Variants in LIN54 observed in about 807,000 individuals in gnomAD.
LIN54 encodes the protein lin-54 DREAM MuvB core complex component.
LIN54 carries 9 observed loss-of-function variants against 78.7 expected under a neutral mutation model. The observed-to-expected ratio is 0.11, with a 90% CI of 0.07 to 0.20. The LOEUF (loss-of-function observed/expected upper bound fraction) is 0.20, where lower values mean the gene tolerates loss of function less well. LIN54 is among the 10% of genes least tolerant of loss of function. The probability of loss-of-function intolerance (pLI) is 1.00; values close to 1 mark genes in which losing one functional copy is unlikely to be tolerated. For synonymous variants in LIN54, 269 were observed against 318.4 expected, an observed-to-expected ratio of 0.84 and a Z score of 1.65; for missense variants, 573 against 889.9, an observed-to-expected ratio of 0.64 and a Z score of 4.53.
chr4:82,937,639 A>T (rs772159097), intron 8 of LIN54, among the ~76,000 whole-genome samples: 47 of 152,220 alleles, frequency 3.1e-4, no homozygotes, highest in Non-Finnish European at 6.5e-4. Context: ...AAGAAAACAA[A>T]AGTTGAGATT....
At chr4:82,988,713 T>C (rs903903509) in intron 1 of LIN54, among the ~76,000 whole-genome samples, 6 of 152,202 alleles carry the variant, frequency 3.9e-5, no homozygotes, top group African/African-American at 1.4e-4. Context: ...ACAATTGGTA[T>C]TGTCAGTCTT....
In LIN54 at chr4:82,972,989, C is replaced by T. The variant is rs142601711; in HGVS notation, c.809-2520G>A. 3.3e-3 allele frequency among the ~76,000 whole-genome samples: 489 copies of T among 148,882 alleles called. 6 individuals are homozygous for T. Among genetic ancestry groups the T allele is most frequent in the African/African-American group, 0.011 (454 of 40,494 alleles). On this transcript the variant is annotated intron_variant, in intron 3 of 12. Coordinates refer to ENST00000340417, the MANE Select transcript of LIN54 (RefSeq NM_194282.4). ...AAAAAAAATTCATACAGAAAATCCGCAATTCCTGAGGATAACTGGTATCAG... is the reference window on the plus strand; with the variant it reads ...AAAAAAAATTCATACAGAAAATCCGTAATTCCTGAGGATAACTGGTATCAG...
In LIN54 at chr4:82,984,423, A is replaced by G; in HGVS notation, c.422T>C (p.Ile141Thr). 1.2e-6 allele frequency: 2 copies of G among 1,614,250 alleles called. No homozygotes were observed. Among genetic ancestry groups the G allele is most frequent in the Non-Finnish European group, 1.7e-6 (2 of 1,180,042 alleles). Residue 141 changes from isoleucine to threonine, a missense_variant, in exon 2 of 13, where the codon ATT becomes ACT. Physicochemically the swap from Ile to Thr is moderately conservative, Grantham distance 89. Coordinates refer to ENST00000340417, the MANE Select transcript of LIN54 (RefSeq NM_194282.4). ...QTLKPDGQKL[I>T]LTTLGKSGSP... ...ACCAGACTTGCCCAAAGTTGTTAAAATTAACTTCTGTCCATCTGGTTTAAG... is the reference window on the plus strand; with the variant it reads ...ACCAGACTTGCCCAAAGTTGTTAAAGTTAACTTCTGTCCATCTGGTTTAAG...
intron 1 of LIN54, among the ~76,000 whole-genome samples, chr4:83,007,022 C>T (rs1729455153): frequency 6.6e-6 from 1 of 152,074 alleles, no homozygotes; most frequent in Non-Finnish European, 1.5e-5. Flanking sequence ...CACCTGTAGT[C>T]CCAGCTACTC....
intron 3 of LIN54, among the ~76,000 whole-genome samples, chr4:82,973,175 G>GA (rs947323725): frequency 1.3e-5 from 2 of 151,912 alleles, no homozygotes; most frequent in African/African-American, 2.4e-5. Flanking sequence ...GATGAACAAA[G>GA]AAAAAAATCA....
At chr4:82,982,984 A>G (rs1726794741) in intron 2 of LIN54, among the ~76,000 whole-genome samples, 1 of 150,758 alleles carries the variant, frequency 6.6e-6, no homozygotes, top group African/African-American at 2.4e-5. Context: ...TTTCCTGGTC[A>G]TAAGTATATC....
intron 2 of LIN54, among the ~76,000 whole-genome samples, chr4:82,980,022 C>G (rs1726505340): frequency 6.7e-6 from 1 of 150,200 alleles, no homozygotes; most frequent in South Asian, 2.1e-4. Context: ...TCATAGTTCA[C>G]TGCAGCCTCA....
At chr4:82,999,641 G>C (rs570186611) in intron 1 of LIN54, among the ~76,000 whole-genome samples, 60 of 151,900 alleles carry the variant, frequency 3.9e-4, no homozygotes, top group African/African-American at 1.3e-3. Context: ...AGCTGTGCAC[G>C]GTGGTACACG....
At chr4:82,975,720 AAAAG>A (rs1182242586) in intron 3 of LIN54, among the ~76,000 whole-genome samples, 6 of 152,126 alleles carry the variant, frequency 3.9e-5, no homozygotes, top group Non-Finnish European at 7.4e-5. Context: ...TCTAAAAAAA[AAAAG>A]AGAGCTAGAT....
At position 82,954,349 on chromosome 4, in the gene LIN54, A is replaced by T. The variant is rs116034586; in HGVS notation, c.952-7875T>A. Among the ~76,000 whole-genome samples, 1,053 of 152,138 alleles carry T rather than the reference A, an allele frequency of 6.9e-3. 13 individuals carry two copies. Among genetic ancestry groups the T allele is most frequent in the African/African-American group, 0.024 (1,000 of 41,482 alleles). ...ATAGGCATGGAGTTCACAGAAAATAAGTCCAGAAGACAGATATGAATAATT... is the reference window on the plus strand; with the variant it reads ...ATAGGCATGGAGTTCACAGAAAATATGTCCAGAAGACAGATATGAATAATT... On this transcript the variant is annotated intron_variant, in intron 4 of 12. Transcript: ENST00000340417.
At chr4:83,011,754 T>TTAATCA (rs1349271741), upstream of LIN54, among the ~76,000 whole-genome samples, 1 of 151,678 alleles carries the variant, frequency 6.6e-6, no homozygotes, top group African/African-American at 2.4e-5. Context: ...GAGGTAATTC[T>TTAATCA]TAATCATTTA....
intron 1 of LIN54, among the ~76,000 whole-genome samples, chr4:82,998,779 T>G (rs1667809334): frequency 6.6e-6 from 1 of 152,034 alleles, no homozygotes. Context: ...TGATGAACCA[T>G]GTCACCACCT....
chr4:82,999,025 T>C (rs180912717), intron 1 of LIN54, among the ~76,000 whole-genome samples: 3 of 152,336 alleles, frequency 2.0e-5, no homozygotes, highest in Non-Finnish European at 4.4e-5. Context: ...ACTATACTAT[T>C]GTAATAATAT....
chr4:82,996,660 T>A (rs988222982), intron 1 of LIN54, among the ~76,000 whole-genome samples: 1 of 151,934 alleles, frequency 6.6e-6, no homozygotes, highest in Non-Finnish European at 1.5e-5. Flanking sequence ...CATCTCAGCC[T>A]CCCAAAGTGC....
At chr4:82,996,045 T>C (rs1266965703) in intron 1 of LIN54, among the ~76,000 whole-genome samples, 1 of 151,576 alleles carries the variant, frequency 6.6e-6, no homozygotes, top group Admixed American at 6.6e-5. Context: ...CTCGGGAGGC[T>C]GAGGCAGGAG....
chr4:82,955,951 C>T (rs1054373085), intron 4 of LIN54, among the ~76,000 whole-genome samples: 1 of 152,028 alleles, frequency 6.6e-6, no homozygotes, highest in African/African-American at 2.4e-5. Flanking sequence ...ATTGCTATTT[C>T]AACCTTTTAA....
chr4:83,010,949 C>A (rs934691162), upstream of LIN54: 8 of 761,006 alleles, frequency 1.1e-5, no homozygotes, highest in Non-Finnish European at 1.4e-5. Flanking sequence ...CAAGTGCACA[C>A]GGGCTACGCC....
intron 4 of LIN54, among the ~76,000 whole-genome samples, chr4:82,963,629 G>A (rs768848925): frequency 7.9e-5 from 12 of 151,782 alleles, no homozygotes; most frequent in Non-Finnish European, 1.8e-4. Flanking sequence ...AATATAAATT[G>A]GAAAGTAGAC....
At chr4:82,940,002 A>G (rs1183678070) in intron 5 of LIN54, 40 bp from the exon 6 acceptor site, 3 of 1,392,060 alleles carry the variant, frequency 2.2e-6, no homozygotes, top group Non-Finnish European at 3.0e-6. Flanking sequence ...AGTTATTTAC[A>G]GAAAATAGTA....
Sources: gnomAD v4.1 joint callset for allele counts (sites outside exome capture counted in the v4.1 genomes callset) on GRCh38, gnomAD v4.1.1 for gene constraint, MANE v1.5 for transcripts, NCBI Gene and HGNC (gene_info 2026-07-23, HGNC 2026-07-21) for gene names.